AP3S2: variants seen among roughly 807,000 people sequenced by gnomAD.
AP3S2 encodes the protein AP-3 complex subunit sigma-2.
A neutral mutation model predicts 23.4 loss-of-function variants in AP3S2; 22 were observed. That is an observed-to-expected ratio of 0.94 (90% CI 0.67 to 1.34). AP3S2 has a LOEUF of 1.34. AP3S2 is among the 40% of genes most tolerant of loss of function. The pLI is 0.00. For missense variants in AP3S2, 241 were observed against 236.9 expected, an observed-to-expected ratio of 1.02 and a Z score of -0.11; for synonymous variants, 86 against 87.1, an observed-to-expected ratio of 0.99 and a Z score of 0.07.
rs2141828690 is a variant in AP3S2, at chr15:89,832,878, A to G, written c.*2637T>C. ...AATTTGCAGGCAACCTCAAGTAGTT[A>G]ATGAAAAATTATTGTGGCTTGTCCA... On this transcript the variant is annotated 3_prime_UTR_variant, in exon 6 of 6. Transcript: ENST00000336418. 1 of 152,348 alleles carries G rather than the reference A, an allele frequency of 6.6e-6. No homozygotes were observed. The highest frequency in any genetic ancestry group is 2.4e-5 in the African/African-American group (1 of 41,580). The allele number at this position is 152,348 out of a possible 1,614,324, so 9.4% of individuals were successfully genotyped here. A position where few individuals can be genotyped will look rare whatever the true frequency, so the allele number is the denominator to read the frequency against.
Position 89,832,351 on chromosome 15 carries a change from A to T in AP3S2, c.*3164T>A, listed in dbSNP as rs1223681827. On this transcript the variant is annotated 3_prime_UTR_variant, in exon 6 of 6. Transcript: ENST00000336418. ...TCCAGCTACCTAGGAGGCTGAGGTGAGAGGATCACTTGACCCCGGGGCTTC... is the reference window on the plus strand; with the variant it reads ...TCCAGCTACCTAGGAGGCTGAGGTGTGAGGATCACTTGACCCCGGGGCTTC... 1 of 152,092 alleles carries T rather than the reference A, an allele frequency of 6.6e-6. No homozygotes were observed. The highest frequency in any genetic ancestry group is 1.5e-5 in the Non-Finnish European group (1 of 68,028). 9.4% of individuals were successfully genotyped at this position (152,092 alleles called of 1,614,324 possible). A position where few individuals can be genotyped will look rare whatever the true frequency, so the allele number is the denominator to read the frequency against.
intron 4 of AP3S2, among the ~76,000 whole-genome samples, chr15:89,843,131 T>C (rs1314280482): frequency 6.6e-6 from 1 of 151,708 alleles, no homozygotes; most frequent in Non-Finnish European, 1.5e-5. Context: ...ATTACAGGCA[T>C]GTGCCACCAC....
Position 89,835,315 on chromosome 15 carries a change from T to C in AP3S2, c.*200A>G, listed in dbSNP as rs1254662427. The C allele has an allele frequency of 1.7e-5, 14 of 842,568 alleles. No individual in the cohort carries two copies. The highest frequency in any genetic ancestry group is 8.9e-5 in the Admixed American group (3 of 33,650). The allele number at this position is 842,568 out of a possible 1,614,324, so 52.2% of individuals were successfully genotyped here. On this transcript the variant is annotated 3_prime_UTR_variant, in exon 6 of 6. Coordinates refer to ENST00000336418, the MANE Select transcript of AP3S2 (RefSeq NM_005829.5). ...CATCAGAGAACGGCATGACTGCACATGTGAGAACTGGGTGCACCCGAGCAG... is the reference window on the plus strand; with the variant it reads ...CATCAGAGAACGGCATGACTGCACACGTGAGAACTGGGTGCACCCGAGCAG...
intron 3 of AP3S2, among the ~76,000 whole-genome samples, chr15:89,873,286 CTTTTTTT>C (rs71461825): frequency 7.4e-6 from 1 of 134,550 alleles, no homozygotes; most frequent in Non-Finnish European, 1.6e-5. Flanking sequence ...TGTCTGTCTT[CTTTTTTT>C]TTTTTTTTTG....
In AP3S2 at chr15:89,844,358, G is replaced by A. The variant is rs375143446; in HGVS notation, c.346-6636C>T. Reference sequence around the variant, plus strand: ...TTCTTTCTTTCTTTCTTTTTTTAGAGACAGGGTCTTGCTCTGTCACCCAGG... The same window carrying A: ...TTCTTTCTTTCTTTCTTTTTTTAGAAACAGGGTCTTGCTCTGTCACCCAGG... On this transcript the variant is annotated intron_variant, in intron 4 of 5. Transcript: ENST00000336418. 9.8e-4 allele frequency among the ~76,000 whole-genome samples: 142 copies of A among 145,624 alleles called. 4 individuals carry two copies. The South Asian group carries it at 0.03, about 30-fold the overall frequency.
chr15:89,866,750 T>C (rs1896133397), intron 4 of AP3S2, among the ~76,000 whole-genome samples: 1 of 151,648 alleles, frequency 6.6e-6, no homozygotes, highest in Admixed American at 6.6e-5. Flanking sequence ...TTATAGGCGT[T>C]AGCCACCGCA....
intron 4 of AP3S2, among the ~76,000 whole-genome samples, chr15:89,844,259 CTTTCTTT>C (rs1895424132): frequency 4.3e-5 from 1 of 23,472 alleles, no homozygotes; most frequent in Non-Finnish European, 9.4e-5. Flanking sequence ...TTCTTTCTTT[CTTTCTTT>C]CTTTCTCTCT....
intron 3 of AP3S2, among the ~76,000 whole-genome samples, chr15:89,872,855 A>C (rs149733468): frequency 6.6e-6 from 1 of 152,356 alleles, no homozygotes; most frequent in African/African-American, 2.4e-5. Context: ...AATGGGCAAG[A>C]GCATTTAGAT....
At chr15:89,864,454 T>G (rs1896071687) in intron 4 of AP3S2, among the ~76,000 whole-genome samples, 1 of 152,188 alleles carries the variant, frequency 6.6e-6, no homozygotes, top group African/African-American at 2.4e-5. Context: ...CAAAAAAACC[T>G]ATAGCAAATA....
At chr15:89,870,901 G>A (rs1896303621) in intron 4 of AP3S2, among the ~76,000 whole-genome samples, 1 of 152,194 alleles carries the variant, frequency 6.6e-6, no homozygotes, top group Non-Finnish European at 1.5e-5. Context: ...GGCATATGAG[G>A]ACATAGGCCA....
chr15:89,866,759 C>T (rs1596206334), intron 4 of AP3S2, among the ~76,000 whole-genome samples: 1 of 151,578 alleles, frequency 6.6e-6, no homozygotes, highest in African/African-American at 2.4e-5. Context: ...TTAGCCACCG[C>T]ACCCGGCCCC....
At chr15:89,858,939 T>C (rs1895933120) in intron 4 of AP3S2, among the ~76,000 whole-genome samples, 1 of 152,172 alleles carries the variant, frequency 6.6e-6, no homozygotes, top group African/African-American at 2.4e-5. Flanking sequence ...CAATCCAAAG[T>C]TCAAGTAAGG....
At chr15:89,845,064 C>A (rs573838755) in intron 4 of AP3S2, among the ~76,000 whole-genome samples, 2 of 152,130 alleles carry the variant, frequency 1.3e-5, no homozygotes, top group African/African-American at 4.8e-5. Flanking sequence ...CGCCACCACG[C>A]CCAGCTTATT....
chr15:89,874,695 T>C (rs1329346889), intron 3 of AP3S2, among the ~76,000 whole-genome samples: 2 of 152,196 alleles, frequency 1.3e-5, no homozygotes, highest in East Asian at 1.9e-4. Flanking sequence ...GGTGGGAGGA[T>C]TGCTTGAGCC....
At chr15:89,863,522 T>C (rs1195492300) in intron 4 of AP3S2, among the ~76,000 whole-genome samples, 2 of 152,048 alleles carry the variant, frequency 1.3e-5, no homozygotes, top group Non-Finnish European at 2.9e-5. Flanking sequence ...TAAACCCTCC[T>C]TTAACACAGG....
intron 4 of AP3S2, among the ~76,000 whole-genome samples, chr15:89,859,143 G>C (rs1895938205): frequency 6.6e-6 from 1 of 151,384 alleles, no homozygotes. Flanking sequence ...ATCGTCGTGA[G>C]CCTCCACAAC....
chr15:89,889,401 C>T (rs909475215), intron 1 of AP3S2: 4 of 382,416 alleles, frequency 1.0e-5, no homozygotes, highest in Non-Finnish European at 1.9e-5. Context: ...TATAGGTAAG[C>T]TGATATTTAA....
intron 4 of AP3S2, among the ~76,000 whole-genome samples, chr15:89,842,062 A>G (rs1001332930): frequency 1.3e-5 from 2 of 152,296 alleles, no homozygotes; most frequent in African/African-American, 4.8e-5. Flanking sequence ...AGACGAGAAG[A>G]GAAGACAAGC....
chr15:89,869,125 G>C (rs1270060592), intron 4 of AP3S2, among the ~76,000 whole-genome samples: 2 of 152,204 alleles, frequency 1.3e-5, no homozygotes, highest in Admixed American at 1.3e-4. Flanking sequence ...TTGTGGAACA[G>C]AAAGGCGGGA....
Sources: allele counts gnomAD v4.1 joint callset (sites outside exome capture counted in the v4.1 genomes callset), GRCh38; gene constraint gnomAD v4.1.1; transcripts MANE v1.5; gene names NCBI Gene and HGNC (gene_info 2026-07-23, HGNC 2026-07-21).